Variants in FASTKD1 observed in about 807,000 individuals in gnomAD.
The protein encoded by FASTKD1 is FAST kinase domain-containing protein 1, mitochondrial.
A neutral mutation model predicts 90.9 loss-of-function variants in FASTKD1; 94 were observed. The ratio of observed to expected loss-of-function variants is 1.03; its 90% CI spans 0.88 to 1.23. The LOEUF (loss-of-function observed/expected upper bound fraction) is 1.23, where lower values mean the gene tolerates loss of function less well. FASTKD1 is among the 50% of genes most tolerant of loss of function. The pLI, the probability that FASTKD1 is intolerant of heterozygous loss-of-function variation, is 0.00. For synonymous variants in FASTKD1, 319 were observed against 345.8 expected (o/e 0.92, Z 0.86); for missense variants, 945 against 993.5 (o/e 0.95, Z 0.66).
At chr2:169,570,398 A>T (rs543018913) in intron 2 of FASTKD1, among the ~76,000 whole-genome samples, 14 of 151,896 alleles carry the variant, frequency 9.2e-5, no homozygotes, top group African/African-American at 3.1e-4. Context: ...ATTTCTTAAC[A>T]TTTATCTCTG....
At position 169,555,204 on chromosome 2, in the gene FASTKD1, C is replaced by T; in HGVS notation, c.1134G>A (p.Leu378=). The change falls in exon 7 of 15, where the codon TTG becomes TTA. Residue 378 remains leucine (L), a synonymous_variant. Transcript: ENST00000453153. ...AAGTTAATTCTTGAGTTATCTTCAA[C>T]AACTCTAATGGTTTATAGCCATCCA... The part of the protein sequence containing the change: ...KHLDGYKPLE[L]LKITQELTFL... The T allele has an allele frequency of 6.2e-7, 1 of 1,611,802 alleles. No homozygotes were observed. Among genetic ancestry groups the T allele is most frequent in the Non-Finnish European group, 8.5e-7 (1 of 1,178,514 alleles).
chr2:169,561,566 G>A (rs369995964), intron 4 of FASTKD1, among the ~76,000 whole-genome samples: 5 of 151,426 alleles, frequency 3.3e-5, no homozygotes, highest in Non-Finnish European at 7.4e-5. Context: ...TTCAGCAAAT[G>A]TAACTATTAA....
At chr2:169,538,591 G>A (rs1012675246) in intron 10 of FASTKD1, among the ~76,000 whole-genome samples, 4 of 148,670 alleles carry the variant, frequency 2.7e-5, no homozygotes, top group Middle Eastern at 3.7e-3. Flanking sequence ...CAGGAGAATC[G>A]CTTGAATCCA....
At chr2:169,551,596 G>A (rs1343911716) in intron 7 of FASTKD1, among the ~76,000 whole-genome samples, 1 of 151,886 alleles carries the variant, frequency 6.6e-6, no homozygotes, top group Non-Finnish European at 1.5e-5. Context: ...CAGGAGTTTG[G>A]GACCAGCCTG....
At chr2:169,530,967 G>A (rs780725240) in intron 13 of FASTKD1, 1 of 676,844 alleles carries the variant, frequency 1.5e-6, no homozygotes, top group Non-Finnish European at 2.8e-6. Flanking sequence ...GTAAACCACT[G>A]TGAGGGGTAC....
chr2:169,554,029 C>G (rs868715498), intron 7 of FASTKD1, among the ~76,000 whole-genome samples: 2 of 151,020 alleles, frequency 1.3e-5, no homozygotes, highest in East Asian at 2.0e-4. Flanking sequence ...TGCTTGAGCC[C>G]GTGAGTTTGA....
chr2:169,561,409 G>A (rs953625552), intron 4 of FASTKD1, among the ~76,000 whole-genome samples: 5 of 151,924 alleles, frequency 3.3e-5, no homozygotes, highest in East Asian at 1.9e-4. Flanking sequence ...TATCTGAAAC[G>A]CCAAAGACAA....
At chr2:169,563,451 C>T in intron 3 of FASTKD1, 101 bp from the exon 4 acceptor site, 3 of 852,718 alleles carry the variant, frequency 3.5e-6, no homozygotes, top group Non-Finnish European at 4.8e-6. Context: ...TAGTAAATTA[C>T]ATAAAATTTT....
Position 169,529,017 on chromosome 2 carries a change from T to C in FASTKD1, c.*808A>G, listed in dbSNP as rs555187877. Among the ~76,000 whole-genome samples the C allele has an allele frequency of 2.4e-4, 37 of 152,270 alleles. No homozygotes were observed. The highest frequency in any genetic ancestry group is 8.4e-4 in the African/African-American group (35 of 41,564). On this transcript the variant is annotated 3_prime_UTR_variant, in exon 15 of 15. Coordinates refer to ENST00000453153, the MANE Select transcript of FASTKD1 (RefSeq NM_024622.6). ...TCTAATCTCATTTTAAGCGATTTCA[T>C]CTACTCTCATGGCATTGAATACTGC...
In FASTKD1 at chr2:169,539,305, T is replaced by G. The variant is rs555710321; in HGVS notation, c.1945+746A>C. Among the ~76,000 whole-genome samples, 7 of 150,388 alleles carry G rather than the reference T, an allele frequency of 4.7e-5. No homozygotes were observed. The East Asian group carries it at 1.4e-3, about 29-fold the overall frequency. On this transcript the variant is annotated intron_variant, in intron 10 of 14. Transcript: ENST00000453153. Reference sequence around the variant, plus strand: ...AAAGAAAAAGAAAAAGAAAGAAATGTAAAATAAAATAAGTCTTATAGGGAC... The same window carrying G: ...AAAGAAAAAGAAAAAGAAAGAAATGGAAAATAAAATAAGTCTTATAGGGAC...
At chr2:169,568,998 CA>C (rs374268347) in intron 3 of FASTKD1, among the ~76,000 whole-genome samples, 185 bp downstream of exon 3, 5,364 of 104,728 alleles carry the variant, frequency 0.051, 111 homozygotes, top group East Asian at 0.15. Context: ...GACTCCATCT[CA>C]AAAAAAAAAA....
Position 169,544,751 on chromosome 2 carries a change from T to C in FASTKD1, c.1786A>G (p.Thr596Ala). The C allele has an allele frequency of 1.2e-6, 2 of 1,608,738 alleles. No individual in the cohort carries two copies. The highest frequency in any genetic ancestry group is 1.3e-5 in the African/African-American group (1 of 74,890). ...TAAGAATTAAGATGTTGCACGCAAG[T>C]TCCCAAAAATTCATCCCTTTGAGGT... is the stretch of plus-strand genomic sequence containing the variant. ...DPPQRDEFLG[T>A]CVQHLNSYLG... Residue 596 changes from threonine to alanine, a missense_variant, in exon 9 of 15, where the codon ACT becomes GCT. Thr to Ala is a moderately conservative substitution (Grantham distance 58). Transcript: ENST00000453153.
intron 4 of FASTKD1, 138 bp from the exon 5 acceptor site, chr2:169,560,923 T>C: frequency 1.8e-6 from 1 of 553,082 alleles, no homozygotes; most frequent in Non-Finnish European, 2.7e-6. Flanking sequence ...GCTTAAGCAA[T>C]CCTCCCACCT....
In FASTKD1 at chr2:169,572,185, G is replaced by T; in HGVS notation, c.-142-14C>A. On this transcript the variant is annotated splice_polypyrimidine_tract_variant and intron_variant, in intron 1 of 14. Coordinates refer to ENST00000453153, the MANE Select transcript of FASTKD1 (RefSeq NM_024622.6). Reference sequence around the variant, plus strand: ...AATGTACAGCTTCTATAAAAGAATTGGTTTAACATGGTTATGCTTACATCA... The same window carrying T: ...AATGTACAGCTTCTATAAAAGAATTTGTTTAACATGGTTATGCTTACATCA... 1 of 720,356 alleles carries T rather than the reference G, an allele frequency of 1.4e-6. No individual in the cohort carries two copies. Among genetic ancestry groups the T allele is most frequent in the Non-Finnish European group, 2.1e-6 (1 of 484,494 alleles). 44.6% of individuals were successfully genotyped at this position (720,356 alleles called of 1,614,324 possible). A position where few individuals can be genotyped will look rare whatever the true frequency, so the allele number is the denominator to read the frequency against.
intron 10 of FASTKD1, among the ~76,000 whole-genome samples, chr2:169,539,271 CAA>C (rs558999338): frequency 7.5e-6 from 1 of 133,536 alleles, no homozygotes; most frequent in African/African-American, 2.8e-5. Context: ...GACTCCATCT[CAA>C]AAAAAAAAAG....
rs1381754462 is a variant in FASTKD1, at chr2:169,560,725, T to C, written c.633A>G (p.Gln211=). The C allele has an allele frequency of 1.2e-5, 20 of 1,601,270 alleles. No homozygotes were observed. Among genetic ancestry groups the C allele is most frequent in the Middle Eastern group, 1.7e-4 (1 of 6,008 alleles). The stretch of plus-strand genomic sequence containing the variant: ...AAAGAAGTTCTGTTTTGTTCACCAG[T>C]TGTTGTTGAAAATGTCGTGATATTA... ...SSLISRHFQQ[Q]LVNKTELLFD... is the part of the protein sequence containing the mutation. The change falls in exon 5 of 15, where the codon CAA becomes CAG. Residue 211 remains glutamine, a synonymous_variant. Transcript: ENST00000453153.
intron 4 of FASTKD1, among the ~76,000 whole-genome samples, chr2:169,561,339 C>T (rs1317390037): frequency 1.3e-5 from 2 of 149,876 alleles, no homozygotes; most frequent in Non-Finnish European, 3.0e-5. Context: ...GAGCAGGAAA[C>T]TACTATAATT....
chr2:169,539,669 GT>G (rs1205104097), intron 10 of FASTKD1, among the ~76,000 whole-genome samples: 2 of 151,770 alleles, frequency 1.3e-5, no homozygotes, highest in African/African-American at 4.8e-5. Flanking sequence ...GAAGGCTGAG[GT>G]GGGAGGATCA....
At chr2:169,558,014 C>T (rs1359891523) in intron 5 of FASTKD1, among the ~76,000 whole-genome samples, 2 of 152,182 alleles carry the variant, frequency 1.3e-5, no homozygotes, top group African/African-American at 4.8e-5. Flanking sequence ...TTCCCAACCA[C>T]TTCAGTCTAT....
Sources: allele counts gnomAD v4.1 joint callset (sites outside exome capture counted in the v4.1 genomes callset), GRCh38; gene constraint gnomAD v4.1.1; transcripts MANE v1.5; gene names NCBI Gene and HGNC (gene_info 2026-07-23, HGNC 2026-07-21).